FSIP1: variants seen among roughly 807,000 people sequenced by gnomAD.
FSIP1 encodes the protein fibrous sheath interacting protein 1, also known as fibrous sheath-interacting protein 1.
Under a neutral mutation model 60.9 loss-of-function variants are expected in FSIP1, and 65 were observed. That is an observed-to-expected ratio of 1.07 (90% confidence interval 0.87 to 1.31). The LOEUF is 1.31. FSIP1 is among the 40% of genes most tolerant of loss of function. FSIP1 has a pLI of 0.00. For missense variants in FSIP1, 675 were observed against 665.5 expected (o/e 1.01, Z -0.16); for synonymous variants, 209 against 221.2 (o/e 0.94, Z 0.49).
At chr15:39,648,187 A>G (rs1216218537) in intron 10 of FSIP1, among the ~76,000 whole-genome samples, 1 of 151,330 alleles carries the variant, frequency 6.6e-6, no homozygotes, top group Admixed American at 6.6e-5. Flanking sequence ...AAAGAAAAAA[A>G]AAGAATCTAG....
chr15:39,741,659 T>C (rs1264339434), intron 6 of FSIP1, 146 bp downstream of exon 6: 2 of 499,804 alleles, frequency 4.0e-6, no homozygotes, highest in Non-Finnish European at 7.2e-6. Context: ...GCTGCAACAA[T>C]AACCAATCTT....
At chr15:39,762,141 A>T (rs1303078675) in intron 5 of FSIP1, among the ~76,000 whole-genome samples, 3 of 152,220 alleles carry the variant, frequency 2.0e-5, no homozygotes, top group Admixed American at 6.5e-5. Context: ...CAGTCAGTGT[A>T]TCGGTTTCCT....
chr15:39,781,440 A>G (rs1454256315), intron 1 of FSIP1, among the ~76,000 whole-genome samples: 2 of 152,280 alleles, frequency 1.3e-5, no homozygotes, highest in African/African-American at 4.8e-5. Flanking sequence ...TATTTACCAT[A>G]TGACTCCACA....
chr15:39,644,968 G>T (rs1239363930), intron 10 of FSIP1, among the ~76,000 whole-genome samples: 1 of 152,200 alleles, frequency 6.6e-6, no homozygotes, highest in East Asian at 1.9e-4. Flanking sequence ...GAACAAAGCT[G>T]TCATTAAGAG....
chr15:39,765,438 C>T (rs562934136), intron 4 of FSIP1, among the ~76,000 whole-genome samples, 154 bp downstream of exon 4: 1 of 151,786 alleles, frequency 6.6e-6, no homozygotes, highest in African/African-American at 2.4e-5. Flanking sequence ...CAGATGGGGT[C>T]TCTTTATGTT....
At chr15:39,698,798 A>C (rs1243875475) in intron 10 of FSIP1, among the ~76,000 whole-genome samples, 1 of 152,198 alleles carries the variant, frequency 6.6e-6, no homozygotes, top group Non-Finnish European at 1.5e-5. Context: ...GAATTCTCCC[A>C]GTGCACCAGG....
chr15:39,757,594 T>TA (rs1324822393), intron 5 of FSIP1, among the ~76,000 whole-genome samples: 8 of 151,596 alleles, frequency 5.3e-5, no homozygotes, highest in Admixed American at 2.0e-4. Context: ...TTTAAGAATT[T>TA]AAAAAAAACA....
At chr15:39,706,271 A>G (rs936469057) in intron 10 of FSIP1, among the ~76,000 whole-genome samples, 5 of 152,178 alleles carry the variant, frequency 3.3e-5, no homozygotes, top group African/African-American at 4.8e-5. Flanking sequence ...TTATTGACCA[A>G]TTGTTTTCCA....
chr15:39,775,436 T>C (rs968524621), intron 2 of FSIP1, among the ~76,000 whole-genome samples: 1 of 150,988 alleles, frequency 6.6e-6, no homozygotes, highest in Middle Eastern at 3.2e-3. Flanking sequence ...AAGAAATAAA[T>C]GAGAAAACTA....
At chr15:39,781,675 T>C (rs1260894764) in intron 1 of FSIP1, among the ~76,000 whole-genome samples, 3 of 152,188 alleles carry the variant, frequency 2.0e-5, no homozygotes, top group African/African-American at 7.2e-5. Flanking sequence ...CATGAATGAA[T>C]AGCAACTGCA....
intron 11 of FSIP1, among the ~76,000 whole-genome samples, chr15:39,608,779 CAACT>C (rs1238865303): frequency 6.6e-6 from 1 of 152,142 alleles, no homozygotes; most frequent in African/African-American, 2.4e-5. Flanking sequence ...AAAATCCAAC[CAACT>C]ATTTACAGAC....
At chr15:39,721,636 C>T (rs1489487249) in intron 9 of FSIP1, among the ~76,000 whole-genome samples, 1 of 152,218 alleles carries the variant, frequency 6.6e-6, no homozygotes, top group Admixed American at 6.5e-5. Flanking sequence ...TATTGACGAT[C>T]TCTGCAAAGG....
At chr15:39,624,611 T>A (rs529128932) in intron 10 of FSIP1, among the ~76,000 whole-genome samples, 62 of 152,324 alleles carry the variant, frequency 4.1e-4, no homozygotes, top group Non-Finnish European at 7.6e-4. Context: ...GAAAAGGGCT[T>A]GTTCTTCCTT....
At chr15:39,649,825 T>G (rs549487645) in intron 10 of FSIP1, among the ~76,000 whole-genome samples, 69 of 152,358 alleles carry the variant, frequency 4.5e-4, no homozygotes, top group African/African-American at 1.3e-3. Context: ...CCCAACCTTT[T>G]CATTCTAATT....
At chr15:39,621,288 C>T (rs1891434023) in intron 10 of FSIP1, among the ~76,000 whole-genome samples, 1 of 152,174 alleles carries the variant, frequency 6.6e-6, no homozygotes, top group East Asian at 1.9e-4. Flanking sequence ...AAGTGAGAGG[C>T]CCTGAGCTGA....
chr15:39,719,945 T>C (rs953831078), intron 9 of FSIP1, among the ~76,000 whole-genome samples: 6 of 152,252 alleles, frequency 3.9e-5, no homozygotes, highest in African/African-American at 1.4e-4. Context: ...AGTAACTTCT[T>C]GTTTGTTCCT....
intron 10 of FSIP1, among the ~76,000 whole-genome samples, chr15:39,688,258 C>A (rs1894462533): frequency 6.6e-6 from 1 of 152,118 alleles, no homozygotes; most frequent in Admixed American, 6.5e-5. Context: ...TCCTGATAAA[C>A]CCATTGTAAG....
intron 5 of FSIP1, among the ~76,000 whole-genome samples, chr15:39,761,626 A>G (rs943824880): frequency 3.3e-5 from 5 of 152,214 alleles, no homozygotes; most frequent in African/African-American, 1.2e-4. Context: ...GACAGGAAGA[A>G]TAAGGGTTTT....
chr15:39,612,866 C>T (rs1455153586), intron 11 of FSIP1, among the ~76,000 whole-genome samples: 8 of 152,052 alleles, frequency 5.3e-5, no homozygotes, highest in Non-Finnish European at 1.0e-4. Context: ...ATAGTTTTAG[C>T]TTATACAAAA....
Sources: gnomAD v4.1 joint callset for allele counts (sites outside exome capture counted in the v4.1 genomes callset) on GRCh38, gnomAD v4.1.1 for gene constraint, MANE v1.5 for transcripts, NCBI Gene and HGNC (gene_info 2026-07-23, HGNC 2026-07-21) for gene names.